Variants in TGM6 observed in about 807,000 individuals in gnomAD.
The protein encoded by TGM6 is transglutaminase 6, also known as protein-glutamine gamma-glutamyltransferase 6.
In TGM6, 74 loss-of-function variants were observed where a neutral mutation model predicts 77.5. The observed-to-expected ratio is 0.96, with a 90% confidence interval of 0.79 to 1.16. The LOEUF (loss-of-function observed/expected upper bound fraction) is 1.16. Among genes scored for constraint, TGM6 ranks in the 50% most tolerant of loss-of-function variants. TGM6 has a pLI of 0.00. For synonymous variants in TGM6, 383 were observed against 378.9 expected (o/e 1.01, Z -0.12); for missense variants, 968 against 940.2 (o/e 1.03, Z -0.39).
chr20:2,430,954 C>G lies in TGM6; in HGVS notation c.1894C>G (p.Leu632Val), dbSNP rs1461263921. The change falls in exon 12 of 13, where the codon CTC becomes GTC. Residue 632 changes from leucine (L) to valine (V), a missense_variant. Coordinates refer to ENST00000202625, the MANE Select transcript of TGM6 (RefSeq NM_198994.3). ...AGTGGAAGTGACAGTAGTCAACCCC[C>G]TCATAGAGAGAGTGAAGGACTGTGC... ...VTVEVTVVNP[L>V]IERVKDCALM... The G allele has an allele frequency of 6.2e-7, 1 of 1,614,166 alleles. No individual in the cohort carries two copies. Among genetic ancestry groups the G allele is most frequent in the Non-Finnish European group, 8.5e-7 (1 of 1,180,026 alleles).
chr20:2,407,590 G>A (rs1176385134), intron 9 of TGM6, among the ~76,000 whole-genome samples: 1 of 152,220 alleles, frequency 6.6e-6, no homozygotes, highest in Non-Finnish European at 1.5e-5. Context: ...CTACACTCCA[G>A]GCTACAGAGC....
chr20:2,395,098 G>T, intron 2 of TGM6, 96 bp from the exon 3 acceptor site: 1 of 1,549,500 alleles, frequency 6.5e-7, no homozygotes, highest in Non-Finnish European at 8.7e-7. Flanking sequence ...AGTTCAGGGG[G>T]TGAAGGTGGG....
Position 2,397,823 on chromosome 20 carries a change from C to A in TGM6, c.544-95C>A, listed in dbSNP as rs1189592725. 9 of 1,607,112 alleles carry A rather than the reference C, an allele frequency of 5.6e-6. No individual in the cohort carries two copies. In the African/African-American group the frequency reaches 1.2e-4, roughly 21 times the overall value. ...TTGGAGGGGGCAGCAAACTGCCCTG[C>A]ACAGATGGGGTGACTGACCGGGTGA... On this transcript the variant is annotated intron_variant, in intron 4 of 12. Coordinates refer to ENST00000202625, the MANE Select transcript of TGM6 (RefSeq NM_198994.3).
At chr20:2,394,425 T>C in intron 1 of TGM6, 27 bp from the exon 2 acceptor site, 2 of 1,610,628 alleles carry the variant, frequency 1.2e-6, no homozygotes, top group Non-Finnish European at 1.7e-6. Context: ...GGCCGTGGCC[T>C]CATCTCCCTG....
Position 2,431,014 on chromosome 20 carries a change from C to G in TGM6, c.1954C>G (p.Gln652Glu). Residue 652 changes from glutamine to glutamate, a missense_variant, in exon 12 of 13, where the codon CAG (glutamine) becomes GAG (glutamate). Physicochemically the swap from Gln to Glu is conservative, Grantham distance 29. Coordinates refer to ENST00000202625, the MANE Select transcript of TGM6 (RefSeq NM_198994.3). ...GGAGGGCAGCGGCCTTCTCCAGGAA[C>G]AGCTCAGCATCGAGTAAGTGCCAGC... ...MVEGSGLLQEQLSIDVPTLEP... is the reference protein window; with the variant it reads ...MVEGSGLLQEELSIDVPTLEP... 6.2e-7 allele frequency: 1 copy of G among 1,614,070 alleles called. No individual in the cohort carries two copies. The highest frequency in any genetic ancestry group is 8.5e-7 in the Non-Finnish European group (1 of 1,180,012).
At chr20:2,398,243 G>A (rs1389253790) in intron 5 of TGM6, among the ~76,000 whole-genome samples, 197 bp downstream of exon 5, 1 of 152,142 alleles carries the variant, frequency 6.6e-6, no homozygotes, top group Non-Finnish European at 1.5e-5. Flanking sequence ...TTTGGGCAGG[G>A]CACCATGAGA....
intron 1 of TGM6, among the ~76,000 whole-genome samples, chr20:2,383,790 G>A (rs180889053): frequency 2.0e-5 from 3 of 148,586 alleles, no homozygotes; most frequent in African/African-American, 5.2e-5. Flanking sequence ...GGGGAGATGT[G>A]GGAAAGGAGT....
chr20:2,403,443 G>A lies in TGM6; in HGVS notation c.1036G>A (p.Gly346Ser), dbSNP rs1308782514. 1 of 1,614,160 alleles carries A rather than the reference G, an allele frequency of 6.2e-7. No individual in the cohort carries two copies. The highest frequency in any genetic ancestry group is 1.1e-5 in the South Asian group (1 of 91,084). ...NESWFARQDLGPSYNGWQVLD... is the reference protein window; with the variant it reads ...NESWFARQDLSPSYNGWQVLD... ...GAGCTGGTTTGCCCGGCAGGACCTA[G>A]GCCCCTCTTACAATGGCTGGCAGGT... Residue 346 changes from glycine (G) to serine (S), a missense_variant, in exon 8 of 13, where the codon GGC (glycine) becomes AGC (serine). Transcript: ENST00000202625.
intron 1 of TGM6, among the ~76,000 whole-genome samples, chr20:2,389,931 T>C (rs1052170355): frequency 6.6e-6 from 1 of 152,186 alleles, no homozygotes; most frequent in African/African-American, 2.4e-5. Flanking sequence ...TTACTACTTA[T>C]GACACTAGCC....
intron 9 of TGM6, among the ~76,000 whole-genome samples, chr20:2,413,640 C>G (rs1312840488): frequency 6.6e-6 from 1 of 151,958 alleles, no homozygotes; most frequent in Non-Finnish European, 1.5e-5. Flanking sequence ...TCCCCACATG[C>G]AAAAGAATGA....
At chr20:2,426,438 T>A (rs553626088) in intron 10 of TGM6, among the ~76,000 whole-genome samples, 1 of 152,346 alleles carries the variant, frequency 6.6e-6, no homozygotes, top group East Asian at 1.9e-4. Flanking sequence ...ATTTTCTACA[T>A]AAACAATTAT....
intron 10 of TGM6, among the ~76,000 whole-genome samples, chr20:2,419,009 G>A (rs187259363): frequency 4.6e-5 from 7 of 152,244 alleles, no homozygotes; most frequent in East Asian, 3.9e-4. Context: ...CCCAGGAAGC[G>A]GAGGTTAAAG....
intron 1 of TGM6, among the ~76,000 whole-genome samples, chr20:2,386,921 G>A (rs766455008): frequency 6.6e-6 from 1 of 152,306 alleles, no homozygotes; most frequent in African/African-American, 2.4e-5. Flanking sequence ...TACCAGGGCT[G>A]AGATAATTAC....
chr20:2,397,844 G>T, intron 4 of TGM6, 74 bp from the exon 5 acceptor site: 1 of 1,613,008 alleles, frequency 6.2e-7, no homozygotes, highest in Admixed American at 1.7e-5. Context: ...TGACTGACCG[G>T]GTGAGGGCTG....
intron 3 of TGM6, among the ~76,000 whole-genome samples, chr20:2,396,264 C>T (rs148307877): frequency 6.6e-6 from 1 of 152,158 alleles, no homozygotes; most frequent in African/African-American, 2.4e-5. Context: ...CAAGGAGGCC[C>T]ACCCAAAGCT....
chr20:2,416,317 T>A (rs1476942909), intron 9 of TGM6, among the ~76,000 whole-genome samples: 1 of 152,078 alleles, frequency 6.6e-6, no homozygotes, highest in East Asian at 1.9e-4. Flanking sequence ...GACATATAGA[T>A]CAAAGAAATT....
At chr20:2,398,119 T>C in intron 5 of TGM6, 73 bp downstream of exon 5, 1 of 1,611,868 alleles carries the variant, frequency 6.2e-7, no homozygotes, top group Non-Finnish European at 8.5e-7. Context: ...CCACAACCTG[T>C]GATTCTTCCC....
At chr20:2,387,930 C>T (rs2084606681) in intron 1 of TGM6, among the ~76,000 whole-genome samples, 1 of 152,150 alleles carries the variant, frequency 6.6e-6, no homozygotes, top group South Asian at 2.1e-4. Flanking sequence ...GGTTGGAAGC[C>T]TTGGTTCGTC....
chr20:2,426,975 T>C (rs1002243550), intron 10 of TGM6, among the ~76,000 whole-genome samples: 21 of 152,320 alleles, frequency 1.4e-4, no homozygotes, highest in African/African-American at 4.6e-4. Context: ...GCAATGTCTT[T>C]GTCTGGTTTT....
Sources: gnomAD v4.1 joint callset for allele counts (sites outside exome capture counted in the v4.1 genomes callset) on GRCh38, gnomAD v4.1.1 for gene constraint, MANE v1.5 for transcripts, NCBI Gene and HGNC (gene_info 2026-07-23, HGNC 2026-07-21) for gene names.